The following BTBD8 variants were observed in gnomAD, a reference collection of about 807,000 sequenced individuals.
The protein encoded by BTBD8 is BTB/POZ domain-containing protein 8.
A neutral mutation model predicts 162.9 loss-of-function variants in BTBD8; 110 were observed. That is an observed-to-expected ratio of 0.68 (90% CI 0.58 to 0.79). The LOEUF is 0.79. BTBD8 is among the 30% of genes least tolerant of loss of function. The probability of loss-of-function intolerance (pLI) is 0.00; values close to 1 mark genes in which losing one functional copy is unlikely to be tolerated. For missense variants in BTBD8, 1,905 were observed against 2,085.4 expected (o/e 0.91, Z 1.68); for synonymous variants, 667 against 716.1 (o/e 0.93, Z 1.10).
chr1:92,088,107 A>G (rs1224718552), intron 1 of BTBD8, among the ~76,000 whole-genome samples: 1 of 152,152 alleles, frequency 6.6e-6, no homozygotes, highest in East Asian at 1.9e-4. Context: ...GCATAATTCT[A>G]TTTGTGGGAG....
At chr1:92,133,148 T>C (rs1157469) in intron 5 of BTBD8, among the ~76,000 whole-genome samples, 95,797 of 151,950 alleles carry the variant, frequency 0.63, 30,667 homozygotes, top group East Asian at 0.94. Context: ...TTAACTTACA[T>C]TGTAAACCTG....
intron 6 of BTBD8, among the ~76,000 whole-genome samples, chr1:92,140,150 G>A (rs1399164825): frequency 6.6e-6 from 1 of 150,434 alleles, no homozygotes; most frequent in East Asian, 2.0e-4. Flanking sequence ...TGCCAGGCGT[G>A]ATGGCTCACA....
Position 92,177,841 on chromosome 1 carries a change from C to G in BTBD8, c.2384C>G (p.Thr795Ser), listed in dbSNP as rs1318307063. 5 of 1,542,626 alleles carry G rather than the reference C, an allele frequency of 3.2e-6. No homozygotes were observed. Among genetic ancestry groups the G allele is most frequent in the Non-Finnish European group, 4.4e-6 (5 of 1,139,620 alleles). The change falls in exon 15 of 18, where the codon ACC becomes AGC. Residue 795 changes from threonine (T) to serine (S), a missense_variant. Physicochemically the swap from Thr to Ser is moderately conservative, Grantham distance 58. Around this residue, in one of 3 missense-constraint regions of BTBD8, gnomAD observed 1,374 missense variants for 1,442.7 expected, o/e 0.95. Coordinates refer to ENST00000636805, the MANE Select transcript of BTBD8 (RefSeq NM_001376131.1). ...AAATCTCGACCTGTTTCAAGAGTTA[C>G]CAATGGAACTTCCAATAAAAAAAGT... ...AIKSRPVSRV[T>S]NGTSNKKSIH... is the part of the protein sequence containing the mutation.
At chr1:92,081,321 C>T (rs915179896) in intron 1 of BTBD8, among the ~76,000 whole-genome samples, 1 of 152,172 alleles carries the variant, frequency 6.6e-6, no homozygotes, top group Non-Finnish European at 1.5e-5. Flanking sequence ...CCTTTGTAAG[C>T]CTCATGGATA....
At chr1:92,175,019 C>T (rs2100682570) in intron 13 of BTBD8, among the ~76,000 whole-genome samples, 1 of 152,188 alleles carries the variant, frequency 6.6e-6, no homozygotes, top group South Asian at 2.1e-4. Flanking sequence ...ATATGCCCAG[C>T]ATTAACAACA....
At chr1:92,153,129 T>C (rs201794145) in intron 9 of BTBD8, among the ~76,000 whole-genome samples, 1 of 22,002 alleles carries the variant, frequency 4.5e-5, no homozygotes, top group Non-Finnish European at 1.0e-4. Flanking sequence ...ATTAATAGTG[T>C]TTTTTTTAAA....
chr1:92,138,464 G>C (rs1050167451), intron 5 of BTBD8, among the ~76,000 whole-genome samples: 1 of 152,232 alleles, frequency 6.6e-6, no homozygotes, highest in African/African-American at 2.4e-5. Context: ...TCTAATGCAA[G>C]AGCCAAAGTT....
intron 9 of BTBD8, among the ~76,000 whole-genome samples, chr1:92,157,687 A>T (rs1487783987): frequency 6.7e-6 from 1 of 150,248 alleles, no homozygotes; most frequent in African/African-American, 2.5e-5. Flanking sequence ...TGGTAGGGAT[A>T]GGGTCTTGCT....
rs1377920878 is a variant in BTBD8, at chr1:92,181,548, G to A, written c.3865G>A (p.Gly1289Ser). 8.4e-6 allele frequency: 13 copies of A among 1,551,470 alleles called. No individual in the cohort carries two copies. In the South Asian group the frequency reaches 1.1e-4, roughly 13 times the overall value. The change falls in exon 17 of 18, where the codon GGC becomes AGC. Residue 1289 changes from glycine (G) to serine (S), a missense_variant. Gly to Ser is a moderately conservative substitution (Grantham distance 56). This residue lies in a region of BTBD8 where 517 missense variants were observed against 606.6 expected (regional missense o/e 0.85). Transcript: ENST00000636805. ...GSNDRGISKC[G>S]TMLCHDFLGR... ...AAATGACAGAGGTATCTCTAAATGT[G>A]GCACTATGCTGTGCCATGATTTTCT...
intron 4 of BTBD8, among the ~76,000 whole-genome samples, chr1:92,109,020 C>G (rs1432341198): frequency 6.6e-6 from 1 of 152,136 alleles, no homozygotes; most frequent in African/African-American, 2.4e-5. Context: ...CAATACAACC[C>G]AAGGATTGCT....
chr1:92,103,739 T>C (rs765100749), intron 3 of BTBD8, among the ~76,000 whole-genome samples: 1 of 152,190 alleles, frequency 6.6e-6, no homozygotes. Flanking sequence ...CCCTGTAATA[T>C]AAGGAAATGA....
intron 2 of BTBD8, among the ~76,000 whole-genome samples, chr1:92,092,986 C>G (rs1384896022): frequency 2.0e-5 from 3 of 151,984 alleles, no homozygotes; most frequent in Non-Finnish European, 4.4e-5. Context: ...TCTTTAATGA[C>G]TTTTTTCTTT....
At chr1:92,141,857 A>G (rs2100626226) in intron 7 of BTBD8, among the ~76,000 whole-genome samples, 1 of 152,294 alleles carries the variant, frequency 6.6e-6, no homozygotes, top group African/African-American at 2.4e-5. Flanking sequence ...AAGAATGTGT[A>G]TTACTTTTAT....
At chr1:92,098,015 A>G (rs1648497791) in intron 2 of BTBD8, among the ~76,000 whole-genome samples, 1 of 152,224 alleles carries the variant, frequency 6.6e-6, no homozygotes, top group Admixed American at 6.5e-5. Flanking sequence ...ACTCATCAGA[A>G]GCTCAATGCC....
At chr1:92,103,297 G>A (rs1363433428) in intron 3 of BTBD8, among the ~76,000 whole-genome samples, 1 of 152,158 alleles carries the variant, frequency 6.6e-6, no homozygotes, top group African/African-American at 2.4e-5. Flanking sequence ...TTACTTACGT[G>A]ATTTATCCTG....
chr1:92,098,997 A>G (rs1447605515), intron 2 of BTBD8, among the ~76,000 whole-genome samples: 2 of 152,180 alleles, frequency 1.3e-5, no homozygotes, highest in African/African-American at 4.8e-5. Context: ...ATTTATGCCT[A>G]TGTTTACTTA....
intron 9 of BTBD8, among the ~76,000 whole-genome samples, chr1:92,166,013 A>G (rs1650376062): frequency 6.6e-6 from 1 of 152,208 alleles, no homozygotes; most frequent in South Asian, 2.1e-4. Context: ...TCAAACATGA[A>G]TAAGAGACAG....
chr1:92,115,533 C>A, intron 4 of BTBD8: 1 of 377,550 alleles, frequency 2.6e-6, no homozygotes, highest in Non-Finnish European at 5.2e-6. Flanking sequence ...ATAATCAGCA[C>A]CAGCGTCATC....
chr1:92,163,964 G>T (rs985177559), intron 9 of BTBD8, among the ~76,000 whole-genome samples: 5 of 152,112 alleles, frequency 3.3e-5, no homozygotes, highest in Non-Finnish European at 7.3e-5. Context: ...TAAGCACTTT[G>T]TAGATACCTG....
Sources: gnomAD v4.1 joint callset for allele counts (sites outside exome capture counted in the v4.1 genomes callset) on GRCh38, gnomAD v4.1.1 for gene constraint, gnomAD v4.1.1 regional missense constraint, MANE v1.5 for transcripts, NCBI Gene and HGNC (gene_info 2026-07-23, HGNC 2026-07-21) for gene names.